The following ACTR10 variants were observed in gnomAD, a reference collection of about 807,000 sequenced individuals.
ACTR10 encodes actin related protein 10, also known as actin-related protein 10.
In ACTR10, 43 loss-of-function variants were observed where a neutral mutation model predicts 56.2. That is an observed-to-expected ratio of 0.77 (90% CI 0.60 to 0.99). The LOEUF is 0.99. Ranked by LOEUF, ACTR10 falls within the 50% of genes least tolerant of loss-of-function variation. ACTR10 has a pLI of 0.00. For missense variants in ACTR10, 466 were observed against 507.8 expected, an observed-to-expected ratio of 0.92 and a Z score of 0.79; for synonymous variants, 170 against 176.3, an observed-to-expected ratio of 0.96 and a Z score of 0.28.
chr14:58,207,468 G>T (rs1166657573), intron 2 of ACTR10, among the ~76,000 whole-genome samples: 1 of 151,652 alleles, frequency 6.6e-6, no homozygotes, highest in African/African-American at 2.4e-5. Context: ...GGGACTATAG[G>T]CACACACCAC....
At chr14:58,200,420 G>C (rs2140038145) in intron 1 of ACTR10, 126 bp downstream of exon 1, 1 of 661,930 alleles carries the variant, frequency 1.5e-6, no homozygotes, top group Non-Finnish European at 2.2e-6. Context: ...TCTTCAACCA[G>C]CGCCCTTGCA....
intron 12 of ACTR10, among the ~76,000 whole-genome samples, chr14:58,232,770 T>C (rs1048935014): frequency 2.0e-5 from 3 of 152,100 alleles, no homozygotes; most frequent in African/African-American, 7.2e-5. Context: ...CTCTTGGCAT[T>C]TGCACCGTGA....
intron 10 of ACTR10, 21 bp downstream of exon 10, chr14:58,223,877 G>C: frequency 1.3e-6 from 2 of 1,564,332 alleles, no homozygotes; most frequent in Non-Finnish European, 1.7e-6. Flanking sequence ...AAATTTTTAC[G>C]GCAAAGTAGT....
intron 11 of ACTR10, chr14:58,231,024 T>C (rs1452389638): frequency 9.8e-6 from 3 of 306,442 alleles, no homozygotes; most frequent in South Asian, 5.0e-5. Context: ...CCCAAAGTGC[T>C]GGGATTACAA....
chr14:58,208,122 G>T, intron 3 of ACTR10, 104 bp downstream of exon 3: 1 of 926,598 alleles, frequency 1.1e-6, no homozygotes, highest in Non-Finnish European at 1.5e-6. Flanking sequence ...AAAAAAAATG[G>T]ACTTCTATTG....
At chr14:58,204,810 G>A (rs1007995437) in intron 2 of ACTR10, among the ~76,000 whole-genome samples, 1 of 152,180 alleles carries the variant, frequency 6.6e-6, no homozygotes, top group East Asian at 1.9e-4. Context: ...TCTTTTTCTT[G>A]ATGAAAGTTA....
At chr14:58,211,250 C>A in intron 4 of ACTR10, 42 bp from the exon 5 acceptor site, 11 of 1,309,762 alleles carry the variant, frequency 8.4e-6, no homozygotes, top group Admixed American at 7.3e-5. Context: ...CAAATAATGA[C>A]ACTCATTCCG....
chr14:58,217,945 A>T lies in ACTR10; in HGVS notation c.599-1749A>T, dbSNP rs183403304. Among the ~76,000 whole-genome samples, 831 of 152,018 alleles carry T rather than the reference A, an allele frequency of 5.5e-3. 3 individuals carry two copies. Among genetic ancestry groups the T allele is most frequent in the Non-Finnish European group, 9.4e-3 (636 of 67,954 alleles). On this transcript the variant is annotated intron_variant, in intron 7 of 12. Transcript: ENST00000254286. ...TTATTTTCCTAACTGAAATGTAAGC[A>T]TTTTTTTTAGAGCCAGAGCCAGGGA...
chr14:58,201,665 A>G (rs1352952708), intron 1 of ACTR10, among the ~76,000 whole-genome samples: 1 of 152,232 alleles, frequency 6.6e-6, no homozygotes, highest in Non-Finnish European at 1.5e-5. Context: ...TACTAACATG[A>G]AACAAAAATG....
intron 6 of ACTR10, 113 bp from the exon 7 acceptor site, chr14:58,215,092 T>C (rs1733831839): frequency 3.2e-6 from 2 of 634,610 alleles, no homozygotes; most frequent in Non-Finnish European, 2.6e-6. Flanking sequence ...GGCAACAGAG[T>C]AAGACTGTCT....
intron 10 of ACTR10, among the ~76,000 whole-genome samples, chr14:58,225,892 T>TA (rs1340368194): frequency 3.3e-5 from 5 of 152,126 alleles, no homozygotes; most frequent in African/African-American, 1.2e-4. Flanking sequence ...TTTGTATTTT[T>TA]AGTAGAGATG....
intron 2 of ACTR10, among the ~76,000 whole-genome samples, chr14:58,205,694 G>A (rs1225555458): frequency 2.0e-5 from 3 of 152,080 alleles, no homozygotes; most frequent in African/African-American, 7.2e-5. Context: ...GGACAAGCCA[G>A]AAATATGGTA....
intron 1 of ACTR10, among the ~76,000 whole-genome samples, chr14:58,201,103 T>G (rs2140038691): frequency 6.6e-6 from 1 of 152,320 alleles, no homozygotes; most frequent in African/African-American, 2.4e-5. Flanking sequence ...ATGAAACATT[T>G]GAAAAATCTT....
chr14:58,200,750 C>A (rs1888685757), intron 1 of ACTR10, among the ~76,000 whole-genome samples: 1 of 152,194 alleles, frequency 6.6e-6, no homozygotes, highest in South Asian at 2.1e-4. Context: ...GCTATCGCTG[C>A]TCAAGAATTA....
At chr14:58,213,425 G>C in intron 5 of ACTR10, 1 of 436,988 alleles carries the variant, frequency 2.3e-6, no homozygotes, top group Non-Finnish European at 4.1e-6. Context: ...GTGTGGTCAT[G>C]TGCTTATGTG....
chr14:58,206,372 G>A (rs932270226), intron 2 of ACTR10, among the ~76,000 whole-genome samples: 21 of 151,304 alleles, frequency 1.4e-4, no homozygotes, highest in East Asian at 3.9e-4. Flanking sequence ...TAGTAGAGAC[G>A]GGGTTTCGCC....
intron 6 of ACTR10, among the ~76,000 whole-genome samples, chr14:58,214,988 C>G (rs1218408516): frequency 6.6e-6 from 1 of 151,548 alleles, no homozygotes; most frequent in Non-Finnish European, 1.5e-5. Flanking sequence ...CACCTGTAAT[C>G]CCAGCTACTC....
chr14:58,218,200 G>A (rs981334135), intron 7 of ACTR10, among the ~76,000 whole-genome samples: 4 of 152,140 alleles, frequency 2.6e-5, no homozygotes, highest in Non-Finnish European at 4.4e-5. Context: ...TGAAGTTGTG[G>A]AATGCTGTAG....
intron 10 of ACTR10, among the ~76,000 whole-genome samples, chr14:58,227,270 C>T (rs1036992015): frequency 3.3e-5 from 5 of 151,636 alleles, no homozygotes; most frequent in African/African-American, 1.2e-4. Flanking sequence ...GTGGCTCATG[C>T]TTGTAATCCC....
Sources: gnomAD v4.1 joint callset for allele counts (sites outside exome capture counted in the v4.1 genomes callset) on GRCh38, gnomAD v4.1.1 for gene constraint, MANE v1.5 for transcripts, NCBI Gene and HGNC (gene_info 2026-07-23, HGNC 2026-07-21) for gene names.